PSMD9: variants seen among roughly 807,000 people sequenced by gnomAD.
The protein encoded by PSMD9 is proteasome 26S subunit, non-ATPase 9.
Under a neutral mutation model 25.9 loss-of-function variants are expected in PSMD9, and 26 were observed. The observed-to-expected ratio is 1.00, with a 90% CI of 0.73 to 1.39. PSMD9 has a LOEUF of 1.39. PSMD9 is among the 40% of genes most tolerant of loss of function. The pLI, the probability that PSMD9 is intolerant of heterozygous loss-of-function variation, is 0.00. For missense variants in PSMD9, 303 were observed against 299.3 expected (o/e 1.01, Z -0.09); for synonymous variants, 110 against 114.5 (o/e 0.96, Z 0.25).
At chr12:121,910,050 A>G (rs565523665) in intron 4 of PSMD9, among the ~76,000 whole-genome samples, 25 of 149,300 alleles carry the variant, frequency 1.7e-4, no homozygotes, top group African/African-American at 4.2e-4. Context: ...TGGCAATAAC[A>G]TAGATATTCT....
chr12:121,912,724 G>A (rs1879761629), intron 4 of PSMD9, among the ~76,000 whole-genome samples: 1 of 151,764 alleles, frequency 6.6e-6, no homozygotes, highest in Admixed American at 6.6e-5. Context: ...AAATTAGCCA[G>A]GTGTGGAGGA....
rs1246099266 is a variant in PSMD9, at chr12:121,908,817, G to T, written c.555+5710G>T. Among the ~76,000 whole-genome samples, 5 of 152,124 alleles carry T rather than the reference G, an allele frequency of 3.3e-5. No homozygotes were observed. The East Asian group carries it at 9.6e-4, about 29-fold the overall frequency. ...CTGGTCGAGGGGAAGCTGGCAGGGA[G>T]AAAAGCCTTCAAAGCAGGTTCATAG... On this transcript the variant is annotated intron_variant, in intron 4 of 5. Coordinates refer to ENST00000541212, the MANE Select transcript of PSMD9 (RefSeq NM_002813.7).
intron 4 of PSMD9, among the ~76,000 whole-genome samples, chr12:121,904,912 T>A (rs1879509570): frequency 6.6e-6 from 1 of 151,594 alleles, no homozygotes; most frequent in Non-Finnish European, 1.5e-5. Flanking sequence ...ACTACAGATG[T>A]GAGCCACTGC....
chr12:121,900,069 G>A (rs1474273954), intron 3 of PSMD9, among the ~76,000 whole-genome samples: 1 of 152,348 alleles, frequency 6.6e-6, no homozygotes, highest in East Asian at 1.9e-4. Context: ...TGGTGGGGGA[G>A]TGACCTCTTC....
At chr12:121,908,393 G>A (rs1413793873) in intron 4 of PSMD9, among the ~76,000 whole-genome samples, 1 of 152,120 alleles carries the variant, frequency 6.6e-6, no homozygotes, top group Non-Finnish European at 1.5e-5. Flanking sequence ...GGTCAGGCTG[G>A]TCTCTTAATT....
At position 121,916,571 on chromosome 12, in the gene PSMD9, G is replaced by A. The variant is rs117351080; in HGVS notation, c.*260G>A. The A allele has an allele frequency of 8.9e-3, 4,808 of 540,892 alleles. 53 individuals are homozygous for A. Among genetic ancestry groups the A allele is most frequent in the South Asian group, 0.036 (1,434 of 39,464 alleles). The allele number at this position is 540,892 out of a possible 1,614,324, so 33.5% of individuals were successfully genotyped here. ...TTCCCTGGATTGTGGGCAAGTGGGC[G>A]GAAGTTATTCTGGCAGGTACTGGTG... is the stretch of plus-strand genomic sequence containing the variant. On this transcript the variant is annotated 3_prime_UTR_variant, in exon 6 of 6. Coordinates refer to ENST00000541212, the MANE Select transcript of PSMD9 (RefSeq NM_002813.7).
At chr12:121,897,842 A>G (rs561126678) in intron 2 of PSMD9, 1 of 152,358 alleles carries the variant, frequency 6.6e-6, no homozygotes, top group South Asian at 2.1e-4. Context: ...GCTTATGTTA[A>G]TATGGTACGT....
At chr12:121,899,331 C>T (rs538675391) in intron 2 of PSMD9, 8 of 374,360 alleles carry the variant, frequency 2.1e-5, no homozygotes, top group Admixed American at 1.9e-4. Flanking sequence ...AGGGCTCACC[C>T]GAGACAGCAC....
intron 4 of PSMD9, among the ~76,000 whole-genome samples, chr12:121,913,229 C>A (rs939599729): frequency 5.9e-5 from 9 of 151,868 alleles, no homozygotes; most frequent in East Asian, 1.9e-4. Context: ...CAGGCGTGAG[C>A]CACCGCGCCT....
intron 4 of PSMD9, among the ~76,000 whole-genome samples, chr12:121,907,113 A>G (rs1294198941): frequency 2.0e-5 from 3 of 151,782 alleles, no homozygotes; most frequent in Admixed American, 1.3e-4. Context: ...CTTGTTGCCT[A>G]GGCTGGAGTG....
At chr12:121,900,985 TAAAAAA>T (rs749082407) in intron 3 of PSMD9, among the ~76,000 whole-genome samples, 1 of 89,480 alleles carries the variant, frequency 1.1e-5, no homozygotes, top group African/African-American at 4.3e-5. Flanking sequence ...AGACTCTGTC[TAAAAAA>T]AAAAAAAAAA....
At chr12:121,906,374 A>C (rs181269172) in intron 4 of PSMD9, among the ~76,000 whole-genome samples, 1 of 152,152 alleles carries the variant, frequency 6.6e-6, no homozygotes, top group African/African-American at 2.4e-5. Context: ...TTTGTGAGTC[A>C]AGAAAAAAAA....
In PSMD9 at chr12:121,917,601, A is replaced by T. The variant is rs1194884694; in HGVS notation, c.*1290A>T. 1 of 152,180 alleles carries T rather than the reference A, an allele frequency of 6.6e-6. No homozygotes were observed. The highest frequency in any genetic ancestry group is 1.5e-5 in the Non-Finnish European group (1 of 68,040). The allele number at this position is 152,180 out of a possible 1,614,324, so 9.4% of individuals were successfully genotyped here. ...TTGGGACTGGTTTTGCTGTGGTTGG[A>T]TACAGATACCAGCTTGCCTTGATGG... On this transcript the variant is annotated 3_prime_UTR_variant, in exon 6 of 6. Coordinates refer to ENST00000541212, the MANE Select transcript of PSMD9 (RefSeq NM_002813.7).
chr12:121,893,663 G>C (rs1402530472), intron 1 of PSMD9, among the ~76,000 whole-genome samples: 1 of 152,110 alleles, frequency 6.6e-6, no homozygotes, highest in Non-Finnish European at 1.5e-5. Context: ...TTGAACCTCT[G>C]CCTGCATCTT....
At chr12:121,899,587 G>A in intron 2 of PSMD9, 47 bp from the exon 3 acceptor site, 1 of 1,510,176 alleles carries the variant, frequency 6.6e-7, no homozygotes, top group Non-Finnish European at 9.0e-7. Flanking sequence ...GGAGTCTTGT[G>A]TCCTCCACTG....
chr12:121,895,609 C>T (rs529126493), intron 2 of PSMD9, among the ~76,000 whole-genome samples: 1 of 151,768 alleles, frequency 6.6e-6, no homozygotes, highest in East Asian at 1.9e-4. Flanking sequence ...AGGCTGCCCA[C>T]CGTCCTTGGC....
chr12:121,912,556 A>G (rs907213973), intron 4 of PSMD9, among the ~76,000 whole-genome samples: 5 of 152,058 alleles, frequency 3.3e-5, no homozygotes, highest in Non-Finnish European at 7.4e-5. Flanking sequence ...GATCATTTGT[A>G]TATCTTCTTT....
chr12:121,894,992 A>C, intron 2 of PSMD9, 151 bp downstream of exon 2: 1 of 668,494 alleles, frequency 1.5e-6, no homozygotes, highest in Non-Finnish European at 2.6e-6. Context: ...GAACCAAGGG[A>C]ATGGGCTAGA....
chr12:121,916,211 A>C (rs372200500), intron 5 of PSMD9, 73 bp from the exon 6 acceptor site: 401 of 1,567,164 alleles, frequency 2.6e-4, no homozygotes, highest in Non-Finnish European at 3.4e-4. Context: ...TGAAAAGGTC[A>C]GAAGGGCTCA....
Sources: allele counts gnomAD v4.1 joint callset (sites outside exome capture counted in the v4.1 genomes callset), GRCh38; gene constraint gnomAD v4.1.1; transcripts MANE v1.5; gene names NCBI Gene and HGNC (gene_info 2026-07-23, HGNC 2026-07-21).